CHD1L: variants seen among roughly 807,000 people sequenced by gnomAD.
CHD1L encodes chromodomain helicase DNA binding protein 1 like.
In CHD1L, 118 loss-of-function variants were observed where a neutral mutation model predicts 115.9. The ratio of observed to expected loss-of-function variants is 1.02; its 90% CI spans 0.88 to 1.19. The LOEUF is 1.19. Ranked by LOEUF, CHD1L falls within the 50% of genes most tolerant of loss-of-function variation. The pLI is 0.00. For synonymous variants in CHD1L, 411 were observed against 387.1 expected (o/e 1.06, Z -0.72); for missense variants, 1,179 against 1,065.3 (o/e 1.11, Z -1.49).
intron 1 of CHD1L, among the ~76,000 whole-genome samples, chr1:147,243,264 C>A (rs1171133245): frequency 6.6e-6 from 1 of 152,124 alleles, no homozygotes; most frequent in Non-Finnish European, 1.5e-5. Context: ...CCAGCTTCAG[C>A]TTCTCCGTTT....
chr1:147,174,876 G>A, the CHD1L span: 1 of 152,146 alleles, frequency 6.6e-6, no homozygotes, highest in Non-Finnish European at 1.5e-5. Context: ...ATGTTACTGT[G>A]TCTAGGATGT....
At chr1:147,183,350 T>A in the CHD1L span, among the ~76,000 whole-genome samples, 1 of 152,220 alleles carries the variant, frequency 6.6e-6, no homozygotes, top group Non-Finnish European at 1.5e-5. Context: ...ATTTAATCCT[T>A]TAAAAGTCAT....
intron 15 of CHD1L, among the ~76,000 whole-genome samples, chr1:147,281,673 T>C (rs1436224394): frequency 6.6e-6 from 1 of 152,218 alleles, no homozygotes; most frequent in East Asian, 1.9e-4. Flanking sequence ...TTCAAGGACA[T>C]ACTGTCTTCT....
intron 10 of CHD1L, among the ~76,000 whole-genome samples, chr1:147,269,700 T>G: frequency 6.7e-6 from 1 of 148,356 alleles, no homozygotes; most frequent in African/African-American, 2.5e-5. Flanking sequence ...CCAGGTTCAG[T>G]TAGTGTTCAA....
chr1:147,264,484 C>G lies in CHD1L; in HGVS notation c.639C>G (p.Leu213=). Residue 213 remains leucine, a synonymous_variant, in exon 7 of 23, where the codon CTC becomes CTG. Transcript: ENST00000369258. ...GTPIQNSLQE[L]YSLLSFVEPD... is the part of the protein sequence containing the mutation. ...CCATCCAGAACAGCCTCCAAGAGCT[C>G]TACTCCCTCCTCAGTTTTGTGGAGC... The G allele has an allele frequency of 6.2e-7, 1 of 1,614,014 alleles. No individual in the cohort carries two copies. The highest frequency in any genetic ancestry group is 8.5e-7 in the Non-Finnish European group (1 of 1,179,944).
chr1:147,223,165 C>A, the CHD1L span, among the ~76,000 whole-genome samples: 1 of 152,144 alleles, frequency 6.6e-6, no homozygotes, highest in Non-Finnish European at 1.5e-5. Context: ...AAGGTTTGAG[C>A]CTAAGACTGC....
intron 17 of CHD1L, 122 bp from the exon 18 acceptor site, chr1:147,286,174 CAG>C (rs1683056117): frequency 2.2e-6 from 2 of 905,742 alleles, no homozygotes; most frequent in African/African-American, 1.7e-5. Context: ...AAACTTCAAT[CAG>C]GGTGAGTTTC....
chr1:147,280,397 G>A (rs1680374591), intron 15 of CHD1L, among the ~76,000 whole-genome samples: 2 of 152,262 alleles, frequency 1.3e-5, no homozygotes, highest in South Asian at 2.1e-4. Flanking sequence ...CCTTGTAGCT[G>A]AACTGTGAAC....
the CHD1L span, among the ~76,000 whole-genome samples, chr1:147,205,600 G>A: frequency 6.6e-6 from 1 of 152,116 alleles, no homozygotes; most frequent in African/African-American, 2.4e-5. Context: ...AGAGCCCTCA[G>A]AAATAATACC....
the CHD1L span, chr1:147,224,091 C>G: frequency 2.7e-6 from 1 of 365,110 alleles, no homozygotes; most frequent in Non-Finnish European, 5.4e-6. Flanking sequence ...ATGGGGGTCC[C>G]TTACTGCATT....
the CHD1L span, among the ~76,000 whole-genome samples, chr1:147,188,872 ATACTT>A: frequency 6.6e-6 from 1 of 152,158 alleles, no homozygotes; most frequent in Non-Finnish European, 1.5e-5. Context: ...TTAAAATAAG[ATACTT>A]TAGAGCCAGA....
the CHD1L span, chr1:147,187,323 C>T: frequency 2.1e-5 from 21 of 994,936 alleles, no homozygotes; most frequent in Non-Finnish European, 3.1e-5. Context: ...TTCTGAGTGC[C>T]TGCTATTGGC....
chr1:147,196,945 C>T, the CHD1L span, among the ~76,000 whole-genome samples: 1 of 152,142 alleles, frequency 6.6e-6, no homozygotes, highest in South Asian at 2.1e-4. Context: ...CTTACTGAGA[C>T]TTTTACCACA....
chr1:147,294,155 T>C lies in CHD1L; in HGVS notation c.2507-254T>C, dbSNP rs145094865. The stretch of plus-strand genomic sequence containing the variant: ...TTGAATTGATTGGCTTGTTAGAGAA[T>C]CTTTGCTTATTTTAATTTTGCCTCC... On this transcript the variant is annotated intron_variant, in intron 21 of 22. Coordinates refer to ENST00000369258, the MANE Select transcript of CHD1L (RefSeq NM_004284.6). 2.5e-3 allele frequency among the ~76,000 whole-genome samples: 378 copies of C among 152,338 alleles called. 1 individual carries two copies. The highest frequency in any genetic ancestry group is 8.9e-3 in the African/African-American group (368 of 41,576).
the CHD1L span, among the ~76,000 whole-genome samples, chr1:147,231,829 C>T: frequency 1.3e-5 from 2 of 152,154 alleles, no homozygotes; most frequent in African/African-American, 2.4e-5. Flanking sequence ...TGCTGTCTGT[C>T]GCCCCTTTCT....
chr1:147,280,131 C>A lies in CHD1L; in HGVS notation c.1645C>A (p.Gln549Lys). ...ESILGETKDG[Q>K]WVSDALPAAE... is the part of the protein sequence containing the mutation. The stretch of plus-strand genomic sequence containing the variant: ...CATCCTGGGAGAAACAAAAGATGGC[C>A]AGTGGGTCTCTGATGCCTTGCCTGC... Residue 549 changes from glutamine to lysine, a missense_variant, in exon 15 of 23, where the codon CAG becomes AAG. By Grantham distance (53) the Gln-to-Lys change is moderately conservative (BLOSUM62 1). Transcript: ENST00000369258. The A allele has an allele frequency of 6.2e-7, 1 of 1,613,398 alleles. No homozygotes were observed. The highest frequency in any genetic ancestry group is 8.5e-7 in the Non-Finnish European group (1 of 1,179,772).
Position 147,242,781 on chromosome 1 carries a change from C to A in CHD1L, c.78C>A (p.Ala26=). The A allele has an allele frequency of 1.6e-6, 2 of 1,271,778 alleles. No individual in the cohort carries two copies. Among genetic ancestry groups the A allele is most frequent in the East Asian group, 3.0e-5 (1 of 33,570 alleles). 78.8% of individuals were successfully genotyped at this position (1,271,778 alleles called of 1,614,324 possible). ...FLLRLHTEGR[A]EAARVQEQDL... ...TGCGGCTTCATACTGAGGGCCGAGC[C>A]GAGGCGGCGCGGGTGCAGGAGCAGG... is the stretch of plus-strand genomic sequence containing the variant. The change falls in exon 1 of 23, where the codon GCC becomes GCA. Residue 26 remains alanine (A), a synonymous_variant. Coordinates refer to ENST00000369258, the MANE Select transcript of CHD1L (RefSeq NM_004284.6).
At chr1:147,285,955 C>A (rs115871342) in intron 17 of CHD1L, among the ~76,000 whole-genome samples, 1,832 of 152,236 alleles carry the variant, frequency 0.012, 19 homozygotes, top group Middle Eastern at 0.037. Context: ...GCCTTGACCT[C>A]CAAAGTGCTG....
Position 147,291,488 on chromosome 1 carries a change from G to A in CHD1L, c.2327G>A (p.Ser776Asn). 16 of 1,613,808 alleles carry A rather than the reference G, an allele frequency of 9.9e-6. No individual in the cohort carries two copies. Among genetic ancestry groups the A allele is most frequent in the Non-Finnish European group, 1.4e-5 (16 of 1,179,782 alleles). Reference protein sequence around the residue: ...YELAGKMKDLSLGGVLLFPVD... With the variant: ...YELAGKMKDLNLGGVLLFPVD... ...CCTTTCTGTTTTACCTCAGACCTGA[G>A]TTTGGGAGGTGTCCTTTTATTTCCT... The change falls in exon 20 of 23, where the codon AGT (serine) becomes AAT (asparagine). Residue 776 changes from serine (S) to asparagine (N), a missense_variant. Physicochemically the swap from Ser to Asn is conservative, Grantham distance 46. Transcript: ENST00000369258.
Sources: gnomAD v4.1 joint callset for allele counts (sites outside exome capture counted in the v4.1 genomes callset) on GRCh38, gnomAD v4.1.1 for gene constraint, MANE v1.5 for transcripts, NCBI Gene and HGNC (gene_info 2026-07-23, HGNC 2026-07-21) for gene names.